GALNT1: variants seen among roughly 807,000 people sequenced by gnomAD.
GALNT1 encodes polypeptide N-acetylgalactosaminyltransferase 1.
GALNT1 carries 17 observed loss-of-function variants against 65.7 expected under a neutral mutation model. The observed-to-expected ratio is 0.26, with a 90% confidence interval of 0.18 to 0.39. GALNT1 has a LOEUF of 0.39. Among genes scored for constraint, GALNT1 ranks in the 10% least tolerant of loss-of-function variants. The pLI, the probability that GALNT1 is intolerant of heterozygous loss-of-function variation, is 1.00. For synonymous variants in GALNT1, 210 were observed against 219.7 expected (o/e 0.96, Z 0.39); for missense variants, 460 against 672.8 (o/e 0.68, Z 3.50).
chr18:35,707,084 C>T (rs568311147), intron 11 of GALNT1, among the ~76,000 whole-genome samples: 27 of 152,184 alleles, frequency 1.8e-4, no homozygotes, highest in Admixed American at 6.5e-4. Flanking sequence ...CACAGTACCA[C>T]GCTATTTTTG....
chr18:35,594,810 G>A (rs112141969), intron 1 of GALNT1, among the ~76,000 whole-genome samples: 1 of 152,162 alleles, frequency 6.6e-6, no homozygotes, highest in Non-Finnish European at 1.5e-5. Flanking sequence ...AGACCATGAT[G>A]GTGGTGTATT....
At chr18:35,668,904 A>C (rs2047587547) in intron 3 of GALNT1, among the ~76,000 whole-genome samples, 1 of 152,208 alleles carries the variant, frequency 6.6e-6, no homozygotes, top group African/African-American at 2.4e-5. Context: ...CAGAGAAAAG[A>C]AAGTATAAGT....
At chr18:35,703,036 A>T (rs781393012) in intron 10 of GALNT1, 41 bp downstream of exon 10, 44 of 1,234,304 alleles carry the variant, frequency 3.6e-5, no homozygotes, top group Admixed American at 7.2e-5. Flanking sequence ...TAATTTTCAG[A>T]TTGTTTTTAC....
chr18:35,622,471 C>T (rs1333805170), intron 1 of GALNT1, among the ~76,000 whole-genome samples: 3 of 151,384 alleles, frequency 2.0e-5, no homozygotes, highest in East Asian at 3.9e-4. Context: ...AGGCTGGTCT[C>T]GAACTCCTGG....
chr18:35,643,343 A>C (rs2047189518), intron 1 of GALNT1, among the ~76,000 whole-genome samples: 1 of 152,102 alleles, frequency 6.6e-6, no homozygotes, highest in Admixed American at 6.5e-5. Context: ...TTAAAAATAA[A>C]AATACAGCAT....
chr18:35,655,425 G>T (rs1295447611), intron 2 of GALNT1, among the ~76,000 whole-genome samples: 5 of 151,128 alleles, frequency 3.3e-5, no homozygotes, highest in Admixed American at 2.6e-4. Flanking sequence ...GATATTTTTG[G>T]CAGAGGACAT....
intron 1 of GALNT1, among the ~76,000 whole-genome samples, chr18:35,593,849 C>T (rs1390159460): frequency 1.3e-5 from 2 of 151,988 alleles, no homozygotes; most frequent in African/African-American, 4.8e-5. Flanking sequence ...GCTGGGACTA[C>T]AGGCACGTGC....
At chr18:35,708,271 GCTGA>G (rs1484815543) in intron 11 of GALNT1, among the ~76,000 whole-genome samples, 4 of 152,034 alleles carry the variant, frequency 2.6e-5, no homozygotes, top group Non-Finnish European at 4.4e-5. Flanking sequence ...CCACAGCCAT[GCTGA>G]CTCTCTTCTA....
chr18:35,709,354 C>T (rs2070635717), intron 11 of GALNT1, among the ~76,000 whole-genome samples: 1 of 152,020 alleles, frequency 6.6e-6, no homozygotes, highest in Non-Finnish European at 1.5e-5. Context: ...GGTCATCTTG[C>T]AGCAAGTCAA....
intron 3 of GALNT1, among the ~76,000 whole-genome samples, chr18:35,669,016 C>T (rs1175055902): frequency 5.9e-5 from 9 of 152,118 alleles, no homozygotes; most frequent in African/African-American, 1.9e-4. Flanking sequence ...CCGAGGTGGG[C>T]GGATCATGAG....
chr18:35,581,839 C>CGCT lies in GALNT1; in HGVS notation c.-125_-124insTGC, dbSNP rs1421464428. ...GGCCGGCCCGGAGGACGCCTGCCGC[C>CGCT]GCCGCCGCCGCGCGCCTAGCGAGGT... On this transcript the variant is annotated 5_prime_UTR_variant, in exon 1 of 12. Transcript: ENST00000269195. 5 of 133,508 alleles carry CGCT rather than the reference C, an allele frequency of 3.7e-5. No homozygotes were observed. The highest frequency in any genetic ancestry group is 7.3e-5 in the Admixed American group (1 of 13,760). 8.3% of individuals were successfully genotyped at this position (133,508 alleles called of 1,614,324 possible).
In GALNT1 at chr18:35,655,923, C is replaced by T. The variant is rs938374703; in HGVS notation, c.139+1122C>T. Among the ~76,000 whole-genome samples the T allele has an allele frequency of 3.3e-5, 5 of 152,270 alleles. No homozygotes were observed. The South Asian group carries it at 1.0e-3, about 32-fold the overall frequency. On this transcript the variant is annotated intron_variant, in intron 2 of 11. Coordinates refer to ENST00000269195, the MANE Select transcript of GALNT1 (RefSeq NM_020474.4). Reference sequence around the variant, plus strand: ...GGCTAATTCCTAACTTAAATTTTCACTTTTTCCAAATGTTTTAATACATTT... The same window carrying T: ...GGCTAATTCCTAACTTAAATTTTCATTTTTTCCAAATGTTTTAATACATTT...
At chr18:35,669,112 G>A (rs11872953) in intron 3 of GALNT1, among the ~76,000 whole-genome samples, 1,721 of 152,236 alleles carry the variant, frequency 0.011, 31 homozygotes, top group African/African-American at 0.038. Context: ...GTGGTGGCAC[G>A]CACCTGTAGT....
intron 1 of GALNT1, among the ~76,000 whole-genome samples, chr18:35,601,814 G>A (rs1415619883): frequency 6.6e-6 from 1 of 152,140 alleles, no homozygotes; most frequent in African/African-American, 2.4e-5. Context: ...TTGGTCTAGT[G>A]TAATTTATAT....
chr18:35,706,713 C>T (rs1246839819), intron 11 of GALNT1, among the ~76,000 whole-genome samples: 1 of 152,080 alleles, frequency 6.6e-6, no homozygotes, highest in East Asian at 1.9e-4. Context: ...AGGAATACCT[C>T]CCTCTCCCTG....
intron 4 of GALNT1, among the ~76,000 whole-genome samples, chr18:35,678,349 C>CAT (rs112349766): frequency 0.23 from 34,399 of 151,950 alleles, 4,403 homozygotes; most frequent in African/African-American, 0.34. Flanking sequence ...CTCTTGCCCA[C>CAT]GTCCTTCTAG....
chr18:35,643,252 A>G (rs1248386101), intron 1 of GALNT1, among the ~76,000 whole-genome samples: 1 of 152,126 alleles, frequency 6.6e-6, no homozygotes, highest in African/African-American at 2.4e-5. Flanking sequence ...TAACGCTAAG[A>G]TGTTGCCTAA....
chr18:35,677,486 A>G (rs2144571642), intron 3 of GALNT1, 105 bp from the exon 4 acceptor site: 2 of 797,158 alleles, frequency 2.5e-6, no homozygotes, highest in Non-Finnish European at 3.8e-6. Flanking sequence ...GGATCCCACC[A>G]CTAGAGCAAA....
At chr18:35,656,014 T>C (rs762284439) in intron 2 of GALNT1, among the ~76,000 whole-genome samples, 1 of 152,254 alleles carries the variant, frequency 6.6e-6, no homozygotes, top group Non-Finnish European at 1.5e-5. Context: ...TGAGTATCTT[T>C]GTTGGGTGAC....
Sources: gnomAD v4.1 joint callset for allele counts (sites outside exome capture counted in the v4.1 genomes callset) on GRCh38, gnomAD v4.1.1 for gene constraint, MANE v1.5 for transcripts, NCBI Gene and HGNC (gene_info 2026-07-23, HGNC 2026-07-21) for gene names.